Variants in PTPRT observed in about 807,000 individuals in gnomAD.
PTPRT encodes protein tyrosine phosphatase receptor type T.
PTPRT carries 56 observed loss-of-function variants against 176.8 expected under a neutral mutation model. The observed-to-expected ratio is 0.32, with a 90% CI of 0.26 to 0.40. The LOEUF is 0.40. PTPRT is among the 10% of genes least tolerant of loss of function. PTPRT has a pLI of 1.00. For synonymous variants in PTPRT, 783 were observed against 739.0 expected, an observed-to-expected ratio of 1.06 and a Z score of -0.96; for missense variants, 1,540 against 1,908.2, an observed-to-expected ratio of 0.81 and a Z score of 3.60.
chr20:42,516,968 G>A (rs77170287), intron 7 of PTPRT, among the ~76,000 whole-genome samples: 2,154 of 152,132 alleles, frequency 0.014, 26 homozygotes, highest in Non-Finnish European at 0.023. Flanking sequence ...TTTGGTTTCT[G>A]AATGTGCATA....
intron 2 of PTPRT, among the ~76,000 whole-genome samples, chr20:42,850,124 C>T (rs1201499840): frequency 6.6e-6 from 1 of 152,188 alleles, no homozygotes; most frequent in Admixed American, 6.5e-5. Context: ...CCATTTTCTC[C>T]TAATCAAAGC....
chr20:42,200,310 G>A (rs1991397850), intron 15 of PTPRT, among the ~76,000 whole-genome samples: 1 of 152,240 alleles, frequency 6.6e-6, no homozygotes, highest in Non-Finnish European at 1.5e-5. Context: ...GCAGATGACA[G>A]GACCAACCTT....
chr20:42,595,887 T>A (rs932111521), intron 7 of PTPRT, among the ~76,000 whole-genome samples: 2 of 152,212 alleles, frequency 1.3e-5, no homozygotes, highest in Non-Finnish European at 2.9e-5. Flanking sequence ...AAATCAGTAC[T>A]GTGCCAGGCC....
chr20:42,928,818 C>T (rs1296607030), intron 1 of PTPRT, among the ~76,000 whole-genome samples: 1 of 152,144 alleles, frequency 6.6e-6, no homozygotes, highest in Non-Finnish European at 1.5e-5. Flanking sequence ...CGCTGCCACT[C>T]AACACAAAAA....
chr20:42,573,143 G>A (rs534859733), intron 7 of PTPRT, among the ~76,000 whole-genome samples: 2 of 152,300 alleles, frequency 1.3e-5, no homozygotes, highest in Non-Finnish European at 2.9e-5. Flanking sequence ...GCAACAAGGT[G>A]TAGGAGGTAC....
chr20:42,457,884 A>C (rs530786220), intron 8 of PTPRT, among the ~76,000 whole-genome samples: 4 of 152,262 alleles, frequency 2.6e-5, no homozygotes, highest in Non-Finnish European at 5.9e-5. Context: ...CCCTGGACGT[A>C]GGCTTGGAGG....
intron 1 of PTPRT, among the ~76,000 whole-genome samples, chr20:42,985,844 A>G (rs6130274): frequency 0.63 from 96,393 of 151,854 alleles, 30,702 homozygotes; most frequent in South Asian, 0.77. Flanking sequence ...GCAGGTATCA[A>G]CAGCAGCCAA....
chr20:42,272,721 G>GCA (rs58728446), intron 13 of PTPRT, among the ~76,000 whole-genome samples: 3,157 of 149,276 alleles, frequency 0.021, 48 homozygotes, highest in East Asian at 0.047. Flanking sequence ...ACACGTGCGC[G>GCA]CACACACACA....
intron 16 of PTPRT, among the ~76,000 whole-genome samples, chr20:42,167,998 A>T (rs1042577773): frequency 5.3e-5 from 8 of 152,196 alleles, no homozygotes; most frequent in African/African-American, 1.9e-4. Context: ...CACATGTTGT[A>T]TGTTATATGT....
At chr20:42,759,401 C>T (rs769595725) in intron 5 of PTPRT, among the ~76,000 whole-genome samples, 2 of 152,204 alleles carry the variant, frequency 1.3e-5, no homozygotes, top group African/African-American at 2.4e-5. Context: ...CGTGGTGGCT[C>T]ACGCCTGTAA....
At chr20:42,880,188 G>A (rs568691843) in intron 2 of PTPRT, among the ~76,000 whole-genome samples, 1 of 152,196 alleles carries the variant, frequency 6.6e-6, no homozygotes, top group East Asian at 1.9e-4. Flanking sequence ...AGCAGCAGCA[G>A]AATCACTAGA....
chr20:42,849,086 T>G (rs2078427296), intron 2 of PTPRT, among the ~76,000 whole-genome samples: 2 of 152,182 alleles, frequency 1.3e-5, no homozygotes, highest in Non-Finnish European at 2.9e-5. Flanking sequence ...TTCCCCACTT[T>G]ATGTTTTTGT....
chr20:42,321,484 G>C (rs1433161356), intron 11 of PTPRT, among the ~76,000 whole-genome samples: 1 of 152,074 alleles, frequency 6.6e-6, no homozygotes, highest in Non-Finnish European at 1.5e-5. Context: ...AGCCAACAGG[G>C]GCATTCCCCT....
Position 42,075,104 on chromosome 20 carries a change from C to T in PTPRT, c.*5775G>A. 1 of 356,766 alleles carries T rather than the reference C, an allele frequency of 2.8e-6. No homozygotes were observed. Among genetic ancestry groups the T allele is most frequent in the East Asian group, 4.0e-5 (1 of 24,864 alleles). The allele number at this position is 356,766 out of a possible 1,614,324, so 22.1% of individuals were successfully genotyped here. A position where few individuals can be genotyped will look rare whatever the true frequency, so the allele number is the denominator to read the frequency against. ...GGCCTTGCATTCTATCACTTCTAGA[C>T]ATGTATACATGGAAAACCTCCAACA... On this transcript the variant is annotated 3_prime_UTR_variant, in exon 31 of 31. Coordinates refer to ENST00000373187, the MANE Select transcript of PTPRT (RefSeq NM_007050.6).
chr20:42,377,621 C>G (rs1477842668), intron 9 of PTPRT, among the ~76,000 whole-genome samples: 1 of 152,156 alleles, frequency 6.6e-6, no homozygotes, highest in Non-Finnish European at 1.5e-5. Context: ...AGCTCTTTGT[C>G]TCAATTTCAA....
At chr20:43,137,618 G>C (rs1224536182) in intron 1 of PTPRT, among the ~76,000 whole-genome samples, 1 of 152,154 alleles carries the variant, frequency 6.6e-6, no homozygotes, top group Non-Finnish European at 1.5e-5. Context: ...GCTCCACAGG[G>C]GAATGGGAAG....
At chr20:42,735,467 G>C (rs1200945348) in intron 6 of PTPRT, among the ~76,000 whole-genome samples, 1 of 151,762 alleles carries the variant, frequency 6.6e-6, no homozygotes, top group African/African-American at 2.4e-5. Context: ...CTAGGAGAAA[G>C]AACATTTTGA....
intron 11 of PTPRT, among the ~76,000 whole-genome samples, chr20:42,336,732 T>C (rs1400778453): frequency 2.6e-5 from 4 of 152,180 alleles, no homozygotes; most frequent in Non-Finnish European, 5.9e-5. Flanking sequence ...ATGACCCAAA[T>C]TTTCAACCAT....
chr20:42,374,425 C>T (rs564853821), intron 9 of PTPRT, among the ~76,000 whole-genome samples: 6 of 151,690 alleles, frequency 4.0e-5, no homozygotes, highest in African/African-American at 1.5e-4. Context: ...AGAAAATGTA[C>T]CTTAATAAAC....
Sources: allele counts gnomAD v4.1 joint callset (sites outside exome capture counted in the v4.1 genomes callset), GRCh38; gene constraint gnomAD v4.1.1; transcripts MANE v1.5; gene names NCBI Gene and HGNC (gene_info 2026-07-23, HGNC 2026-07-21).